Variants in GALNT10 observed in about 807,000 individuals in gnomAD.
GALNT10 encodes polypeptide N-acetylgalactosaminyltransferase 10.
In GALNT10, 41 loss-of-function variants were observed where a neutral mutation model predicts 75.0. The ratio of observed to expected loss-of-function variants is 0.55; its 90% CI spans 0.43 to 0.71. The LOEUF (loss-of-function observed/expected upper bound fraction) is 0.71. GALNT10 is among the 30% of genes least tolerant of loss of function. GALNT10 has a pLI of 0.00. For synonymous variants in GALNT10, 302 were observed against 313.0 expected (o/e 0.96, Z 0.37); for missense variants, 727 against 818.5 (o/e 0.89, Z 1.36).
At chr5:154,385,621 C>A (rs1235469763) in intron 6 of GALNT10, among the ~76,000 whole-genome samples, 3 of 152,208 alleles carry the variant, frequency 2.0e-5, no homozygotes, top group Admixed American at 2.0e-4. Context: ...ACACCAACAT[C>A]TCCTGAAGGA....
At chr5:154,331,721 C>A (rs1754867770) in intron 4 of GALNT10, among the ~76,000 whole-genome samples, 1 of 152,114 alleles carries the variant, frequency 6.6e-6, no homozygotes, top group Non-Finnish European at 1.5e-5. Context: ...TGTGTGGGTG[C>A]AGGTATGTCT....
chr5:154,334,852 G>A (rs1754918498), intron 4 of GALNT10, among the ~76,000 whole-genome samples: 1 of 152,168 alleles, frequency 6.6e-6, no homozygotes, highest in Non-Finnish European at 1.5e-5. Flanking sequence ...AGTTCACATG[G>A]TAGTGAGCTC....
intron 4 of GALNT10, among the ~76,000 whole-genome samples, chr5:154,353,199 AGTG>A (rs1755235480): frequency 6.6e-6 from 1 of 152,150 alleles, no homozygotes; most frequent in African/African-American, 2.4e-5. Context: ...CTCTGAGGGC[AGTG>A]GAGTTCAAGG....
chr5:154,255,898 T>C (rs1753601796), intron 1 of GALNT10, among the ~76,000 whole-genome samples: 1 of 144,804 alleles, frequency 6.9e-6, no homozygotes, highest in Admixed American at 6.8e-5. Context: ...CCTCTCTCTC[T>C]TCTTCTAAAT....
intron 1 of GALNT10, among the ~76,000 whole-genome samples, chr5:154,235,802 G>A (rs1221649969): frequency 6.6e-6 from 1 of 152,198 alleles, no homozygotes; most frequent in Non-Finnish European, 1.5e-5. Flanking sequence ...TTTTCAAAGA[G>A]CTGTTCACAT....
intron 1 of GALNT10, among the ~76,000 whole-genome samples, chr5:154,207,133 TACTC>T (rs1392781537): frequency 6.6e-6 from 1 of 152,232 alleles, no homozygotes; most frequent in Non-Finnish European, 1.5e-5. Flanking sequence ...CCCAATAACA[TACTC>T]ACTCTAATTA....
intron 1 of GALNT10, among the ~76,000 whole-genome samples, chr5:154,261,878 T>G (rs1331169108): frequency 2.0e-5 from 3 of 152,218 alleles, no homozygotes; most frequent in Non-Finnish European, 4.4e-5. Flanking sequence ...TTTATGATTA[T>G]TGCCCCAGAA....
intron 3 of GALNT10, among the ~76,000 whole-genome samples, chr5:154,317,242 C>T (rs1754607038): frequency 6.6e-6 from 1 of 152,110 alleles, no homozygotes; most frequent in African/African-American, 2.4e-5. Flanking sequence ...GGATGGTGTC[C>T]CATGCCAGGG....
In GALNT10 at chr5:154,409,569, T is replaced by G; in HGVS notation, c.1193T>G (p.Met398Arg). ...CTTAAGCGGGTGGCCGAAGTGTGGA[T>G]GGATGAGTACGCAGAGTACATTTAC... ...RNLKRVAEVWMDEYAEYIYQR... is the reference protein window; with the variant it reads ...RNLKRVAEVWRDEYAEYIYQR... The change falls in exon 9 of 12, where the codon ATG (methionine) becomes AGG (arginine). Residue 398 changes from methionine (M) to arginine (R), a missense_variant. Physicochemically the swap from Met to Arg is moderately conservative, Grantham distance 91. Coordinates refer to ENST00000297107, the MANE Select transcript of GALNT10 (RefSeq NM_198321.4). This position sits in a 1 kb window ranked among gnomAD's most constrained non-coding sequence, Gnocchi z 4.5. The G allele has an allele frequency of 6.2e-7, 1 of 1,613,762 alleles. No individual in the cohort carries two copies. Among genetic ancestry groups the G allele is most frequent in the African/African-American group, 1.3e-5 (1 of 75,022 alleles).
intron 4 of GALNT10, chr5:154,347,099 T>C: frequency 2.0e-6 from 1 of 498,424 alleles, no homozygotes; most frequent in Non-Finnish European, 4.1e-6. Flanking sequence ...ATGTCACCAT[T>C]TATTAACACC....
chr5:154,300,033 G>A (rs1754337794), intron 3 of GALNT10, among the ~76,000 whole-genome samples: 1 of 152,018 alleles, frequency 6.6e-6, no homozygotes, highest in Admixed American at 6.6e-5. Context: ...ACAGGATCTC[G>A]CTATGTTGCC....
intron 4 of GALNT10, among the ~76,000 whole-genome samples, chr5:154,362,799 G>A (rs1479141223): frequency 6.6e-6 from 1 of 152,168 alleles, no homozygotes; most frequent in Admixed American, 6.5e-5. Context: ...CCATTCTTTT[G>A]TGAGACAGCT....
At chr5:154,316,347 A>G (rs1174344433) in intron 3 of GALNT10, among the ~76,000 whole-genome samples, 1 of 152,236 alleles carries the variant, frequency 6.6e-6, no homozygotes, top group Non-Finnish European at 1.5e-5. Flanking sequence ...GTCTGGGATC[A>G]CCAAGCAGCT....
chr5:154,234,322 C>T (rs116531305), intron 1 of GALNT10, among the ~76,000 whole-genome samples: 2,464 of 152,290 alleles, frequency 0.016, 53 homozygotes, highest in African/African-American at 0.056. Flanking sequence ...TACCCAGGGT[C>T]TTAGTGGCAG....
At chr5:154,309,807 C>T (rs1414352635) in intron 3 of GALNT10, among the ~76,000 whole-genome samples, 2 of 152,150 alleles carry the variant, frequency 1.3e-5, no homozygotes. Flanking sequence ...ATCCAAATGT[C>T]AATGTCAAGT....
In GALNT10 at chr5:154,409,707, G is replaced by A. The variant is rs758969315; in HGVS notation, c.1331G>A (p.Trp444Ter). The change falls in exon 9 of 12, where the codon TGG becomes TAG. Residue 444 changes from tryptophan to a stop codon, truncating the protein, a stop_gained. Coordinates refer to ENST00000297107, the MANE Select transcript of GALNT10 (RefSeq NM_198321.4). LOFTEE classifies it high-confidence loss of function. The surrounding 1 kb of genome is among the most constrained non-coding windows in gnomAD (Gnocchi z 4.5). ...SFKWFMTKIA[W>*]DLPKFYPPVE... is the part of the protein sequence containing the mutation. ...AAGTGGTTTATGACGAAGATAGCCT[G>A]GGACCTGCCCAAATTCTACCCACCC... 5 of 1,614,040 alleles carry A rather than the reference G, an allele frequency of 3.1e-6. No homozygotes were observed. The highest frequency in any genetic ancestry group is 1.1e-5 in the South Asian group (1 of 91,082).
chr5:154,368,888 C>A (rs1180361235), intron 4 of GALNT10, among the ~76,000 whole-genome samples: 1 of 152,154 alleles, frequency 6.6e-6, no homozygotes, highest in Non-Finnish European at 1.5e-5. Flanking sequence ...ATTTGCCAGG[C>A]AGAATAGAGA....
intron 4 of GALNT10, among the ~76,000 whole-genome samples, chr5:154,365,911 T>C (rs1755468127): frequency 6.6e-6 from 1 of 152,234 alleles, no homozygotes; most frequent in Admixed American, 6.5e-5. Flanking sequence ...TACACTATTC[T>C]TTCCAAGCTG....
At chr5:154,401,149 G>A (rs1756154481) in intron 7 of GALNT10, among the ~76,000 whole-genome samples, 3 of 152,212 alleles carry the variant, frequency 2.0e-5, no homozygotes, top group African/African-American at 7.2e-5. Flanking sequence ...TGGCCAGCAT[G>A]ATTGGGGCCA....
Sources: allele counts gnomAD v4.1 joint callset (sites outside exome capture counted in the v4.1 genomes callset), GRCh38; gene constraint gnomAD v4.1.1; non-coding constraint Gnocchi (gnomAD v3.1); transcripts MANE v1.5; gene names NCBI Gene and HGNC (gene_info 2026-07-23, HGNC 2026-07-21).